The following NCOA7 variants were observed in gnomAD, a reference collection of about 807,000 sequenced individuals.
NCOA7 encodes the protein nuclear receptor coactivator 7.
Under a neutral mutation model 104.3 loss-of-function variants are expected in NCOA7, and 45 were observed. The ratio of observed to expected loss-of-function variants is 0.43; its 90% CI spans 0.34 to 0.55. The LOEUF is 0.55. NCOA7 is among the 20% of genes least tolerant of loss of function. The probability of loss-of-function intolerance (pLI) is 0.02; values close to 1 mark genes in which losing one functional copy is unlikely to be tolerated. For missense variants in NCOA7, 1,041 were observed against 1,119.7 expected (o/e 0.93, Z 1.00); for synonymous variants, 398 against 402.3 (o/e 0.99, Z 0.13).
intron 1 of NCOA7, among the ~76,000 whole-genome samples, chr6:125,808,027 A>G (rs953341661): frequency 1.3e-5 from 2 of 152,192 alleles, no homozygotes; most frequent in African/African-American, 4.8e-5. Flanking sequence ...CATTTTCCTG[A>G]TCCACTAGAA....
At chr6:125,911,554 TC>T (rs1419946619) in intron 10 of NCOA7, among the ~76,000 whole-genome samples, 1 of 151,564 alleles carries the variant, frequency 6.6e-6, no homozygotes. Context: ...ACCACATACC[TC>T]CCCTTTCCCT....
At chr6:125,903,441 G>A (rs1184368799) in intron 10 of NCOA7, among the ~76,000 whole-genome samples, 2 of 152,094 alleles carry the variant, frequency 1.3e-5, no homozygotes, top group Admixed American at 6.5e-5. Flanking sequence ...TCCTTCTCAA[G>A]CACAGATTTG....
chr6:125,922,645 G>A (rs1361250317), intron 12 of NCOA7, 37 bp from the exon 13 acceptor site: 7 of 1,593,416 alleles, frequency 4.4e-6, no homozygotes, highest in Non-Finnish European at 6.0e-6. Context: ...ATTTGTGGGT[G>A]AACCTTCTGT....
At chr6:125,915,637 AC>A (rs899212177) in intron 11 of NCOA7, among the ~76,000 whole-genome samples, 157 bp downstream of exon 11, 1 of 152,010 alleles carries the variant, frequency 6.6e-6, no homozygotes, top group African/African-American at 2.4e-5. Context: ...TTGAAAAAAA[AC>A]ACCACCACCA....
rs1210418569 is a variant in NCOA7, at chr6:125,889,178, A to G, written c.1124A>G (p.Asp375Gly). ...GTGTCAGAGAAATTAAAGAAACTGGACTCCTCTAGGGAGACATCCCATGGT... is the reference window on the plus strand; with the variant it reads ...GTGTCAGAGAAATTAAAGAAACTGGGCTCCTCTAGGGAGACATCCCATGGT... ...SSVSEKLKKL[D>G]SSRETSHGSP... Residue 375 changes from aspartate to glycine, a missense_variant, in exon 9 of 16, where the codon GAC becomes GGC. Asp to Gly is a moderately conservative substitution (Grantham distance 94). Coordinates refer to ENST00000392477, the MANE Select transcript of NCOA7 (RefSeq NM_181782.5). The G allele has an allele frequency of 6.2e-7, 1 of 1,613,980 alleles. No homozygotes were observed. The highest frequency in any genetic ancestry group is 8.5e-7 in the Non-Finnish European group (1 of 1,179,990).
intron 3 of NCOA7, among the ~76,000 whole-genome samples, chr6:125,869,202 G>C (rs1376495272): frequency 2.0e-5 from 3 of 152,154 alleles, no homozygotes; most frequent in Non-Finnish European, 4.4e-5. Flanking sequence ...CCAGTCCCCA[G>C]GGGCCTGTGA....
chr6:125,888,802 G>T, intron 8 of NCOA7, 137 bp from the exon 9 acceptor site: 1 of 536,172 alleles, frequency 1.9e-6, no homozygotes, highest in Admixed American at 3.3e-5. Flanking sequence ...GAAATCATTT[G>T]AACATAAATT....
rs1334018133 is a variant in NCOA7, at chr6:125,930,340, G to A, written c.*1569G>A. 1 of 152,542 alleles carries A rather than the reference G, an allele frequency of 6.6e-6. No individual in the cohort carries two copies. The highest frequency in any genetic ancestry group is 6.6e-5 in the Admixed American group (1 of 15,242). The allele number at this position is 152,542 out of a possible 1,614,324, so 9.4% of individuals were successfully genotyped here. On this transcript the variant is annotated 3_prime_UTR_variant, in exon 16 of 16. Coordinates refer to ENST00000392477, the MANE Select transcript of NCOA7 (RefSeq NM_181782.5). ...CCACTGCACTCTATCCTGGGTAACA[G>A]CGAGACTCTGTCTTAAAAATAATAA...
intron 11 of NCOA7, chr6:125,919,413 C>G: frequency 6.2e-7 from 1 of 1,612,628 alleles, no homozygotes. Context: ...CCAGACCTGA[C>G]GAAGAGCCTT....
chr6:125,928,665 A>C lies in NCOA7; in HGVS notation c.2723A>C (p.Asp908Ala). The change falls in exon 16 of 16, where the codon GAT (aspartate) becomes GCT (alanine). Residue 908 changes from aspartate (D) to alanine (A), a missense_variant. Coordinates refer to ENST00000392477, the MANE Select transcript of NCOA7 (RefSeq NM_181782.5). ...GGRFGLWLDA[D>A]LYHGRSNSCS... ...CGATTTGGTTTATGGCTAGATGCTG[A>C]TTTATACCACGGACGAAGCAACTCT... 2 of 1,606,762 alleles carry C rather than the reference A, an allele frequency of 1.2e-6. No individual in the cohort carries two copies. The highest frequency in any genetic ancestry group is 1.7e-6 in the Non-Finnish European group (2 of 1,178,082).
intron 1 of NCOA7, chr6:125,810,325 GTCT>G (rs1450047704): frequency 6.6e-6 from 1 of 152,070 alleles, no homozygotes; most frequent in African/African-American, 2.4e-5. Flanking sequence ...AAAATACTTT[GTCT>G]TCATCACAGC....
chr6:125,807,840 G>A (rs1438898216), intron 1 of NCOA7, among the ~76,000 whole-genome samples: 1 of 152,194 alleles, frequency 6.6e-6, no homozygotes, highest in African/African-American at 2.4e-5. Context: ...CAGAGCAACT[G>A]AGGTTGGTCA....
At chr6:125,785,800 A>T (rs544602605) in intron 1 of NCOA7, among the ~76,000 whole-genome samples, 1 of 152,210 alleles carries the variant, frequency 6.6e-6, no homozygotes. Flanking sequence ...GAAAAGGAAA[A>T]ATTTATTGGG....
chr6:125,844,538 T>A (rs1299919231), intron 2 of NCOA7, among the ~76,000 whole-genome samples: 2 of 152,208 alleles, frequency 1.3e-5, no homozygotes, highest in Non-Finnish European at 2.9e-5. Flanking sequence ...TTTTTCTCCC[T>A]TTGCCTTTAA....
At chr6:125,831,649 A>G (rs604198) in intron 2 of NCOA7, among the ~76,000 whole-genome samples, 50,646 of 151,830 alleles carry the variant, frequency 0.33, 8,545 homozygotes, top group South Asian at 0.44. Context: ...TTTTTTGCCT[A>G]TTCTCTTTGC....
In NCOA7 at chr6:125,882,545, T is replaced by A. The variant is rs866444104; in HGVS notation, c.693T>A (p.Asp231Glu). The change falls in exon 7 of 16, where the codon GAT becomes GAA. Residue 231 changes from aspartate (D) to glutamate (E), a missense_variant. This residue lies in a region of NCOA7 where 914 missense variants were observed against 942.7 expected (regional missense o/e 0.97). Coordinates refer to ENST00000392477, the MANE Select transcript of NCOA7 (RefSeq NM_181782.5). Reference protein sequence around the residue: ...FLKMNCRYFTDGKGVVGGVMI... With the variant: ...FLKMNCRYFTEGKGVVGGVMI... ...AAATGAATTGTCGATACTTCACCGA[T>A]GGAAAGGTATATAGCAATGTAATTT... 6.2e-7 allele frequency: 1 copy of A among 1,612,488 alleles called. No homozygotes were observed. Among genetic ancestry groups the A allele is most frequent in the South Asian group, 1.1e-5 (1 of 90,870 alleles).
intron 1 of NCOA7, among the ~76,000 whole-genome samples, chr6:125,807,330 G>T (rs1776556426): frequency 6.6e-6 from 1 of 152,148 alleles, no homozygotes; most frequent in Non-Finnish European, 1.5e-5. Flanking sequence ...TATAGTGTGA[G>T]ATCCCTAGCT....
intron 2 of NCOA7, among the ~76,000 whole-genome samples, chr6:125,816,609 A>G (rs1224138457): frequency 6.6e-6 from 1 of 152,220 alleles, no homozygotes; most frequent in Non-Finnish European, 1.5e-5. Context: ...CTAATGGATG[A>G]GGCACCAGAA....
At chr6:125,871,767 G>A (rs1039189065) in intron 3 of NCOA7, among the ~76,000 whole-genome samples, 5 of 152,096 alleles carry the variant, frequency 3.3e-5, no homozygotes, top group African/African-American at 4.8e-5. Context: ...AGGCCAAGGC[G>A]GGCAGATCAC....
Sources: allele counts gnomAD v4.1 joint callset (sites outside exome capture counted in the v4.1 genomes callset), GRCh38; gene constraint gnomAD v4.1.1; regional missense constraint gnomAD v4.1.1; transcripts MANE v1.5; gene names NCBI Gene and HGNC (gene_info 2026-07-23, HGNC 2026-07-21).